PARP4: variants seen among roughly 807,000 people sequenced by gnomAD.
The protein encoded by PARP4 is poly(ADP-ribose) polymerase family member 4.
A neutral mutation model predicts 187.7 loss-of-function variants in PARP4; 120 were observed. The observed-to-expected ratio is 0.64, with a 90% CI of 0.55 to 0.74. The LOEUF (loss-of-function observed/expected upper bound fraction) is 0.74. Ranked by LOEUF, PARP4 falls within the 30% of genes least tolerant of loss-of-function variation. The pLI is 0.00. For missense variants in PARP4, 1,836 were observed against 2,070.5 expected, an observed-to-expected ratio of 0.89 and a Z score of 2.20; for synonymous variants, 654 against 740.9, an observed-to-expected ratio of 0.88 and a Z score of 1.90.
chr13:24,452,460 A>AATGTC lies in PARP4; in HGVS notation c.2955_2959dup (p.Leu987Ter), dbSNP rs1871574011. On this transcript the variant is annotated stop_gained and frameshift_variant, in exon 24 of 34. Transcript: ENST00000381989. LOFTEE classifies it high-confidence loss of function. ...CGGGCGGCTCCTCTTCACGAGCTGT[A>AATGTC]ATGTCAGGCTCTCATCCTGGAGGTG... The AATGTC allele has an allele frequency of 2.5e-6, 4 of 1,613,950 alleles. No individual in the cohort carries two copies. Among genetic ancestry groups the AATGTC allele is most frequent in the Non-Finnish European group, 3.4e-6 (4 of 1,179,980 alleles).
At chr13:24,460,197 A>C in intron 17 of PARP4, 61 bp from the exon 18 acceptor site, 1 of 1,383,946 alleles carries the variant, frequency 7.2e-7, no homozygotes, top group South Asian at 1.3e-5. Flanking sequence ...TATGCCAGCT[A>C]ACTCCACGTA....
chr13:24,509,704 T>C (rs1298543474), intron 1 of PARP4, among the ~76,000 whole-genome samples: 1 of 151,906 alleles, frequency 6.6e-6, no homozygotes, highest in Non-Finnish European at 1.5e-5. Context: ...TGTTGATTTT[T>C]ATTTGTTTGT....
At chr13:24,459,532 TACACACACACACACGC>T (rs958416565) in intron 18 of PARP4, 34 of 316,428 alleles carry the variant, frequency 1.1e-4, no homozygotes, top group African/African-American at 3.3e-4. Flanking sequence ...TCTGTGTGTA[TACACACACACACACGC>T]ACACACACAC....
At chr13:24,477,651 AGGTCTAT>A (rs769582952) in intron 14 of PARP4, 43 bp downstream of exon 14, 3 of 954,966 alleles carry the variant, frequency 3.1e-6, no homozygotes, top group Non-Finnish European at 4.9e-6. Flanking sequence ...ATAACATTTG[AGGTCTAT>A]AAATATAATA....
intron 33 of PARP4, among the ~76,000 whole-genome samples, chr13:24,424,807 G>A (rs1391977428): frequency 6.6e-6 from 1 of 150,620 alleles, no homozygotes; most frequent in Non-Finnish European, 1.5e-5. Flanking sequence ...CAGTACCTGG[G>A]ACTACAGGCA....
chr13:24,464,186 T>C (rs148620982), intron 17 of PARP4, among the ~76,000 whole-genome samples: 48 of 152,220 alleles, frequency 3.2e-4, no homozygotes, highest in African/African-American at 7.9e-4. Flanking sequence ...TGCTCATGGA[T>C]AGGAAGAATC....
At chr13:24,504,419 T>G (rs1869493831) in intron 1 of PARP4, among the ~76,000 whole-genome samples, 1 of 145,988 alleles carries the variant, frequency 6.8e-6, no homozygotes. Context: ...GTTCAAGCGA[T>G]TCCCCTGCCT....
At chr13:24,490,893 A>G in intron 9 of PARP4, 65 bp from the exon 10 acceptor site, 2 of 1,335,194 alleles carry the variant, frequency 1.5e-6, no homozygotes, top group East Asian at 4.6e-5. Context: ...TTTATATCAC[A>G]TTAACACTTT....
At chr13:24,473,100 T>C (rs1872804032) in intron 15 of PARP4, among the ~76,000 whole-genome samples, 1 of 152,028 alleles carries the variant, frequency 6.6e-6, no homozygotes, top group Non-Finnish European at 1.5e-5. Context: ...TCAGCCAATT[T>C]TTGTAGAGAT....
At chr13:24,491,911 G>T (rs1868675697) in intron 9 of PARP4, among the ~76,000 whole-genome samples, 1 of 152,216 alleles carries the variant, frequency 6.6e-6, no homozygotes, top group Non-Finnish European at 1.5e-5. Context: ...GGGATGCCAT[G>T]AACTACTGCA....
Position 24,472,309 on chromosome 13 carries a change from T to A in PARP4, c.1915-2284A>T, listed in dbSNP as rs192841550. ...ATTGGTGGAAATGGAACATGTCCCA[T>A]GAGCCCACAGCTGGGTCTTTTCAAA... is the stretch of plus-strand genomic sequence containing the variant. On this transcript the variant is annotated intron_variant, in intron 15 of 33. Coordinates refer to ENST00000381989, the MANE Select transcript of PARP4 (RefSeq NM_006437.4). Among the ~76,000 whole-genome samples the A allele has an allele frequency of 2.0e-5, 3 of 152,344 alleles. No individual in the cohort carries two copies. In the East Asian group the frequency reaches 5.8e-4, roughly 29 times the overall value.
chr13:24,434,824 G>T lies in PARP4; in HGVS notation c.4317C>A (p.Phe1439Leu). Reference sequence around the variant, plus strand: ...TGGGATCAGGGTCTGTAGGAAGAGAGAAATGAAGCTGGGGAGAATCCAGCT... The same window carrying T: ...TGGGATCAGGGTCTGTAGGAAGAGATAAATGAAGCTGGGGAGAATCCAGCT... ...FPELDSPQLHFSLPTDPDPIR... is the reference protein window; with the variant it reads ...FPELDSPQLHLSLPTDPDPIR... Residue 1439 changes from phenylalanine (F) to leucine (L), a missense_variant, in exon 31 of 34, where the codon TTC becomes TTA. By Grantham distance (22) the Phe-to-Leu change is conservative (BLOSUM62 0). Transcript: ENST00000381989. The T allele has an allele frequency of 6.2e-7, 1 of 1,613,600 alleles. No homozygotes were observed. Among genetic ancestry groups the T allele is most frequent in the Non-Finnish European group, 8.5e-7 (1 of 1,179,820 alleles).
chr13:24,446,569 C>T (rs1409306170), intron 27 of PARP4, 112 bp downstream of exon 27: 1 of 717,152 alleles, frequency 1.4e-6, no homozygotes. Context: ...GGGCTGCATT[C>T]AAAGCTGCCC....
At chr13:24,500,279 T>TCTA (rs1336008501) in intron 4 of PARP4, 37 bp downstream of exon 4, 2 of 1,274,760 alleles carry the variant, frequency 1.6e-6, no homozygotes, top group African/African-American at 1.5e-5. Flanking sequence ...TTTTACAAAC[T>TCTA]CTGTAGAGTC....
rs4770696 is a variant in PARP4 at position 24,478,123 on chromosome 13, C to T, written c.1602G>A (p.Ser534=). The part of the protein sequence containing the change: ...PPGYDSVHGV[S]QTASVTTDFE... ...AGTCTGTGGTGACAGAGGCTGTTTG[C>T]GAAACTCCATGCACACTGTCGTAGC... The change falls in exon 13 of 34, where the codon TCG becomes TCA. Residue 534 remains serine (S), a synonymous_variant. Coordinates refer to ENST00000381989, the MANE Select transcript of PARP4 (RefSeq NM_006437.4). 0.54 allele frequency: 865,658 copies of T among 1,604,390 alleles called. 235,312 individuals carry two copies. Among genetic ancestry groups the T allele is most frequent in the South Asian group, 0.63 (56,904 of 89,884 alleles).
intron 8 of PARP4, 94 bp downstream of exon 8, chr13:24,493,502 G>C (rs1179068706): frequency 1.3e-5 from 16 of 1,208,830 alleles, no homozygotes; most frequent in Non-Finnish European, 1.7e-5. Context: ...TTCCAGAGCA[G>C]TCAGGCCAGC....
At position 24,499,366 on chromosome 13, in the gene PARP4, G is replaced by A. The variant is rs1283816222; in HGVS notation, c.412C>T (p.Gln138Ter). 17 of 1,572,816 alleles carry A rather than the reference G, an allele frequency of 1.1e-5. No individual in the cohort carries two copies. The highest frequency in any genetic ancestry group is 1.5e-5 in the Non-Finnish European group (17 of 1,162,114). The part of the protein sequence containing the change: ...DTVELTEFGM[Q>*]NVEIPHLPQD... ...GGAAGATGAGGAATTTCAACATTCT[G>A]CATACCAAACCTGAAATTTGTAGTG... The change falls in exon 5 of 34, where the codon CAG (glutamine) becomes TAG (stop). Residue 138 changes from glutamine to a stop codon, truncating the protein, a stop_gained. Coordinates refer to ENST00000381989, the MANE Select transcript of PARP4 (RefSeq NM_006437.4). LOFTEE classifies it high-confidence loss of function.
intron 17 of PARP4, among the ~76,000 whole-genome samples, chr13:24,468,412 T>C (rs1024529229): frequency 2.6e-4 from 40 of 150,988 alleles, no homozygotes; most frequent in Non-Finnish European, 1.8e-4. Flanking sequence ...TTTTTTTTTT[T>C]TTTTTTTTTG....
intron 33 of PARP4, among the ~76,000 whole-genome samples, chr13:24,422,490 T>C (rs1869794395): frequency 6.6e-6 from 1 of 152,220 alleles, no homozygotes; most frequent in Admixed American, 6.5e-5. Flanking sequence ...CACATTCCGC[T>C]AGCAAGAAAA....
Sources: gnomAD v4.1 joint callset for allele counts (sites outside exome capture counted in the v4.1 genomes callset) on GRCh38, gnomAD v4.1.1 for gene constraint, MANE v1.5 for transcripts, NCBI Gene and HGNC (gene_info 2026-07-23, HGNC 2026-07-21) for gene names.